The following AGMO variants were observed in gnomAD, a reference collection of about 807,000 sequenced individuals.
AGMO encodes glyceryl-ether monooxygenase.
Under a neutral mutation model 60.2 loss-of-function variants are expected in AGMO, and 75 were observed. That is an observed-to-expected ratio of 1.25 (90% CI 1.03 to 1.51). The LOEUF is 1.51. Among genes scored for constraint, AGMO ranks in the 40% most tolerant of loss-of-function variants. AGMO has a pLI of 0.00. For missense variants in AGMO, 763 were observed against 525.5 expected (o/e 1.45, Z -4.42); for synonymous variants, 261 against 177.1 (o/e 1.47, Z -3.76).
chr7:15,379,080 AAC>A (rs1314953258), intron 10 of AGMO, among the ~76,000 whole-genome samples: 2 of 152,030 alleles, frequency 1.3e-5, no homozygotes, highest in Non-Finnish European at 1.5e-5. Context: ...ACAAAGACAC[AAC>A]ACACAACATA....
At chr7:15,268,059 A>T (rs114387009) in intron 12 of AGMO, among the ~76,000 whole-genome samples, 2,751 of 152,050 alleles carry the variant, frequency 0.018, 93 homozygotes, top group African/African-American at 0.063. Context: ...GAAATATTTT[A>T]TCTGTTAAGA....
Position 15,249,690 on chromosome 7 carries a change from T to TG in AGMO, c.1264-48332dup, listed in dbSNP as rs1055327762. Among the ~76,000 whole-genome samples the TG allele has an allele frequency of 4.5e-4, 68 of 151,896 alleles. 1 individual carries two copies. The Middle Eastern group carries it at 0.024, about 53-fold the overall frequency. The stretch of plus-strand genomic sequence containing the variant: ...CAGAAACAGAGTTACAAGGATGTGA[T>TG]GGGGGGGAAATAAAAGGGGTGGTGG... On this transcript the variant is annotated intron_variant, in intron 12 of 12. Transcript: ENST00000342526.
chr7:15,184,502 A>T, the AGMO span, among the ~76,000 whole-genome samples: 1 of 120,308 alleles, frequency 8.3e-6, no homozygotes, highest in East Asian at 2.9e-4. Flanking sequence ...GGAAGGAAGG[A>T]ATAGAAGGAA....
intron 12 of AGMO, among the ~76,000 whole-genome samples, chr7:15,339,515 T>C (rs1215657146): frequency 6.6e-6 from 1 of 152,132 alleles, no homozygotes. Flanking sequence ...GTCAGAAGAG[T>C]CTGCTCCAAA....
chr7:15,348,971 A>G (rs1782132436), intron 12 of AGMO, among the ~76,000 whole-genome samples: 4 of 152,144 alleles, frequency 2.6e-5, no homozygotes, highest in Admixed American at 6.6e-5. Context: ...TTTTGATTAA[A>G]CACTTCCACA....
chr7:15,195,364 G>A (rs989709928), downstream of AGMO, among the ~76,000 whole-genome samples: 4 of 152,272 alleles, frequency 2.6e-5, no homozygotes, highest in African/African-American at 7.2e-5. Context: ...TGGGTCTTCC[G>A]TGCCCCTGGT....
intron 2 of AGMO, among the ~76,000 whole-genome samples, chr7:15,554,443 A>G (rs1785069856): frequency 6.6e-6 from 1 of 152,060 alleles, no homozygotes. Flanking sequence ...AAATGTAAAG[A>G]GACATTAGAA....
the AGMO span, among the ~76,000 whole-genome samples, chr7:15,152,203 T>C: frequency 6.1e-4 from 93 of 152,266 alleles, no homozygotes; most frequent in African/African-American, 2.1e-3. Context: ...GAAATAAAAA[T>C]AGCAACACTC....
intron 12 of AGMO, among the ~76,000 whole-genome samples, chr7:15,349,118 TG>T (rs1782139790): frequency 6.6e-6 from 1 of 152,122 alleles, no homozygotes; most frequent in African/African-American, 2.4e-5. Context: ...TAGAGGCACA[TG>T]GACAATAATC....
At chr7:15,524,419 G>A (rs1245828421) in intron 3 of AGMO, among the ~76,000 whole-genome samples, 1 of 152,076 alleles carries the variant, frequency 6.6e-6, no homozygotes, top group African/African-American at 2.4e-5. Context: ...GTGGAACTAA[G>A]ACATACCTAT....
intron 3 of AGMO, among the ~76,000 whole-genome samples, chr7:15,530,382 C>A (rs1167171448): frequency 8.0e-6 from 1 of 124,426 alleles, no homozygotes; most frequent in African/African-American, 3.0e-5. Context: ...ATACGTATTT[C>A]TATATATATT....
intron 3 of AGMO, among the ~76,000 whole-genome samples, chr7:15,528,379 G>A (rs1407755539): frequency 6.6e-6 from 1 of 152,008 alleles, no homozygotes; most frequent in Non-Finnish European, 1.5e-5. Flanking sequence ...ATGCTGGTCT[G>A]GAGCCTAACC....
intron 6 of AGMO, among the ~76,000 whole-genome samples, chr7:15,393,168 G>A (rs532804954): frequency 1.4e-4 from 21 of 152,304 alleles, no homozygotes; most frequent in African/African-American, 4.3e-4. Context: ...AGAGGAAACC[G>A]CCTGTGCCCT....
intron 2 of AGMO, among the ~76,000 whole-genome samples, chr7:15,550,168 T>C (rs1241049095): frequency 2.0e-5 from 3 of 150,070 alleles, no homozygotes; most frequent in Non-Finnish European, 4.5e-5. Context: ...TTCAAAGCAG[T>C]GTGTAGAGGG....
intron 12 of AGMO, among the ~76,000 whole-genome samples, chr7:15,266,352 G>A (rs1236163533): frequency 6.6e-6 from 1 of 151,916 alleles, no homozygotes; most frequent in Non-Finnish European, 1.5e-5. Context: ...AACAAAAATT[G>A]TCAAGATGGT....
chr7:15,240,155 C>T (rs2128502677), intron 12 of AGMO, among the ~76,000 whole-genome samples: 1 of 152,236 alleles, frequency 6.6e-6, no homozygotes, highest in Non-Finnish European at 1.5e-5. Flanking sequence ...TTATTCAATA[C>T]ATGCTAACTA....
rs192563247 is a variant in AGMO, at chr7:15,490,557, A to T, written c.409+54215T>A. On this transcript the variant is annotated intron_variant, in intron 3 of 12. Transcript: ENST00000342526. Reference sequence around the variant, plus strand: ...TATTAACATCCGCAACACAGACAGGAACTTGGTTTTATGCCTCAAGAAAAG... The same window carrying T: ...TATTAACATCCGCAACACAGACAGGTACTTGGTTTTATGCCTCAAGAAAAG... 2.2e-3 allele frequency among the ~76,000 whole-genome samples: 329 copies of T among 152,242 alleles called. No individual in the cohort carries two copies. The Middle Eastern group carries it at 0.031, about 14-fold the overall frequency.
intron 3 of AGMO, among the ~76,000 whole-genome samples, chr7:15,511,007 A>G (rs1196430151): frequency 6.6e-6 from 1 of 151,936 alleles, no homozygotes; most frequent in Non-Finnish European, 1.5e-5. Flanking sequence ...TTCTAAAAAA[A>G]GATACACAAC....
At chr7:15,457,213 T>A (rs567496279) in intron 3 of AGMO, among the ~76,000 whole-genome samples, 2 of 152,294 alleles carry the variant, frequency 1.3e-5, no homozygotes, top group African/African-American at 2.4e-5. Context: ...TATTCTATGC[T>A]TCAAAATCAG....
Sources: gnomAD v4.1 joint callset for allele counts (sites outside exome capture counted in the v4.1 genomes callset) on GRCh38, gnomAD v4.1.1 for gene constraint, MANE v1.5 for transcripts, NCBI Gene and HGNC (gene_info 2026-07-23, HGNC 2026-07-21) for gene names.